The following CENPQ variants were observed in gnomAD, a reference collection of about 807,000 sequenced individuals.
The protein encoded by CENPQ is chromosome 6 open reading frame 139.
CENPQ carries 27 observed loss-of-function variants against 36.6 expected under a neutral mutation model. The observed-to-expected ratio is 0.74, with a 90% CI of 0.54 to 1.02. CENPQ has a LOEUF of 1.02. CENPQ is among the 50% of genes least tolerant of loss of function. The pLI, the probability that CENPQ is intolerant of heterozygous loss-of-function variation, is 0.00. For synonymous variants in CENPQ, 101 were observed against 101.7 expected (o/e 0.99, Z 0.04); for missense variants, 306 against 301.8 (o/e 1.01, Z -0.10).
chr6:49,475,357 T>G (rs1244868498), intron 5 of CENPQ, among the ~76,000 whole-genome samples: 1 of 152,108 alleles, frequency 6.6e-6, no homozygotes, highest in Non-Finnish European at 1.5e-5. Flanking sequence ...GAAAAGGCCT[T>G]TGACAAAATT....
At chr6:49,472,614 A>G (rs1768168679) in intron 4 of CENPQ, among the ~76,000 whole-genome samples, 176 bp from the exon 5 acceptor site, 1 of 152,164 alleles carries the variant, frequency 6.6e-6, no homozygotes, top group African/African-American at 2.4e-5. Context: ...TATATATATA[A>G]GAAGAATTTT....
intron 5 of CENPQ, among the ~76,000 whole-genome samples, chr6:49,480,738 C>G (rs1176628717): frequency 6.6e-6 from 1 of 152,026 alleles, no homozygotes; most frequent in Non-Finnish European, 1.5e-5. Flanking sequence ...GCCCCAGTGT[C>G]CCTTAATTTG....
intron 5 of CENPQ, among the ~76,000 whole-genome samples, chr6:49,479,904 G>T (rs1012330577): frequency 6.6e-6 from 1 of 152,020 alleles, no homozygotes; most frequent in African/African-American, 2.4e-5. Context: ...CTCACAAGTG[G>T]GAGCTAAACA....
chr6:49,470,302 A>C, intron 2 of CENPQ, 24 bp downstream of exon 2: 2 of 1,465,648 alleles, frequency 1.4e-6, no homozygotes. Context: ...CAAGTTTCTC[A>C]TTTAGAAATC....
At chr6:49,472,571 G>C (rs1214815628) in intron 4 of CENPQ, among the ~76,000 whole-genome samples, 2 of 152,096 alleles carry the variant, frequency 1.3e-5, no homozygotes, top group Non-Finnish European at 2.9e-5. Context: ...GAAGAGCCAG[G>C]CATGTAACTT....
At chr6:49,467,067 A>G (rs548913074) in intron 1 of CENPQ, among the ~76,000 whole-genome samples, 1 of 152,324 alleles carries the variant, frequency 6.6e-6, no homozygotes, top group East Asian at 1.9e-4. Context: ...GCTGCTAAAC[A>G]TCCTACAATA....
At chr6:49,482,701 T>C (rs1170726121) in intron 6 of CENPQ, among the ~76,000 whole-genome samples, 1 of 152,152 alleles carries the variant, frequency 6.6e-6, no homozygotes, top group African/African-American at 2.4e-5. Context: ...GTCTCACCGC[T>C]TGGCGATAGG....
At chr6:49,469,866 C>A (rs1016230536) in intron 1 of CENPQ, among the ~76,000 whole-genome samples, 1 of 151,966 alleles carries the variant, frequency 6.6e-6, no homozygotes, top group Non-Finnish European at 1.5e-5. Flanking sequence ...ATAAGAGATA[C>A]AAAAGCATTT....
In CENPQ at chr6:49,470,196, C is replaced by G. The variant is rs1037126788; in HGVS notation, c.20C>G (p.Ala7Gly). ...ATCAAGATGTCTGGTAAAGCAAATGCTTCCAAGAAAAACGCTCAACAGTTA... is the reference window on the plus strand; with the variant it reads ...ATCAAGATGTCTGGTAAAGCAAATGGTTCCAAGAAAAACGCTCAACAGTTA... MSGKANASKKNAQQLKR... is the reference protein window; with the variant it reads MSGKANGSKKNAQQLKR... Residue 7 changes from alanine to glycine, a missense_variant, in exon 2 of 9, where the codon GCT becomes GGT. By Grantham distance (60) the Ala-to-Gly change is moderately conservative. Coordinates refer to ENST00000335783, the MANE Select transcript of CENPQ (RefSeq NM_018132.4). 4 of 1,603,466 alleles carry G rather than the reference C, an allele frequency of 2.5e-6. No homozygotes were observed. The highest frequency in any genetic ancestry group is 3.4e-6 in the Non-Finnish European group (4 of 1,174,602).
intron 1 of CENPQ, among the ~76,000 whole-genome samples, chr6:49,464,045 T>C (rs558735266): frequency 2.0e-5 from 3 of 152,216 alleles, no homozygotes; most frequent in Non-Finnish European, 2.9e-5. Flanking sequence ...GTTTTACTGT[T>C]TTCCCTTGGA....
Position 49,481,169 on chromosome 6 carries a change from A to G in CENPQ, c.477+89A>G. On this transcript the variant is annotated intron_variant, in intron 6 of 8. Transcript: ENST00000335783. The stretch of plus-strand genomic sequence containing the variant: ...TTTAAAATTATCATGATGTTCTTCC[A>G]GTAGTGAATACTAGATCTTGAACCA... 2.8e-6 allele frequency: 3 copies of G among 1,085,278 alleles called. No homozygotes were observed. Among genetic ancestry groups the G allele is most frequent in the Non-Finnish European group, 3.9e-6 (3 of 767,932 alleles). 67.2% of individuals were successfully genotyped at this position (1,085,278 alleles called of 1,614,324 possible). A position where few individuals can be genotyped will look rare whatever the true frequency, so the allele number is the denominator to read the frequency against.
At chr6:49,471,279 T>A (rs553291308) in intron 3 of CENPQ, among the ~76,000 whole-genome samples, 1 of 152,336 alleles carries the variant, frequency 6.6e-6, no homozygotes, top group South Asian at 2.1e-4. Flanking sequence ...AAACTCAAAG[T>A]GGCCCACAGC....
chr6:49,478,473 C>A (rs1419372813), intron 5 of CENPQ, among the ~76,000 whole-genome samples: 1 of 152,132 alleles, frequency 6.6e-6, no homozygotes, highest in Non-Finnish European at 1.5e-5. Flanking sequence ...TTAGTCTCAT[C>A]TCTGCTTTTG....
At chr6:49,492,109 G>A (rs759825624) in intron 8 of CENPQ, 35 bp from the exon 9 acceptor site, 7 of 1,535,480 alleles carry the variant, frequency 4.6e-6, no homozygotes, top group Middle Eastern at 1.8e-4. Flanking sequence ...ATAATAAAAT[G>A]TTAACAACTA....
At chr6:49,491,740 A>G (rs564503369) in intron 8 of CENPQ, among the ~76,000 whole-genome samples, 3 of 152,046 alleles carry the variant, frequency 2.0e-5, no homozygotes, top group Non-Finnish European at 4.4e-5. Flanking sequence ...ACATGGAGAA[A>G]CCCCATCTCT....
chr6:49,464,276 A>T (rs1456002436), intron 1 of CENPQ, among the ~76,000 whole-genome samples: 1 of 152,132 alleles, frequency 6.6e-6, no homozygotes, highest in Non-Finnish European at 1.5e-5. Flanking sequence ...TGTAAAAAAA[A>T]ATTACATGCT....
At chr6:49,484,455 A>G (rs1366703114) in intron 6 of CENPQ, among the ~76,000 whole-genome samples, 1 of 152,224 alleles carries the variant, frequency 6.6e-6, no homozygotes, top group Non-Finnish European at 1.5e-5. Flanking sequence ...CAACTAAGTC[A>G]AAGCAACCTT....
chr6:49,474,168 C>T (rs1464157532), intron 5 of CENPQ, among the ~76,000 whole-genome samples: 1 of 152,100 alleles, frequency 6.6e-6, no homozygotes, highest in African/African-American at 2.4e-5. Context: ...CCAAGCAGAC[C>T]TAATAGACAT....
chr6:49,487,168 A>AAAAAAAAAAGATGGTCCTGAGTTG lies in CENPQ; in HGVS notation c.478-1183_478-1182insAAAAAAAAGATGGTCCTGAGTTGA. Reference sequence around the variant, plus strand: ...AACTCCATCTCAAAAAAAAAAAAAAAATAAAAAAAATAAAAACAGAGTCTG... The same window carrying AAAAAAAAAAGATGGTCCTGAGTTG: ...AACTCCATCTCAAAAAAAAAAAAAAAAAAAAAAAAGATGGTCCTGAGTTGATAAAAAAAATAAAAACAGAGTCTG... On this transcript the variant is annotated intron_variant, in intron 6 of 8. Coordinates refer to ENST00000335783, the MANE Select transcript of CENPQ (RefSeq NM_018132.4). Among the ~76,000 whole-genome samples, 267 of 72,298 alleles carry AAAAAAAAAAGATGGTCCTGAGTTG rather than the reference A, an allele frequency of 3.7e-3. 73 individuals are homozygous for AAAAAAAAAAGATGGTCCTGAGTTG. The highest frequency in any genetic ancestry group is 0.011 in the African/African-American group (244 of 21,414). The allele number at this position is 72,298 out of a possible 152,430, so 47.4% of individuals were successfully genotyped here.
Sources: allele counts gnomAD v4.1 joint callset (sites outside exome capture counted in the v4.1 genomes callset), GRCh38; gene constraint gnomAD v4.1.1; transcripts MANE v1.5; gene names NCBI Gene and HGNC (gene_info 2026-07-23, HGNC 2026-07-21).